The following SGCA variants were observed in gnomAD, a reference collection of about 807,000 sequenced individuals.
SGCA encodes alpha-sarcoglycan.
Under a neutral mutation model 38.1 loss-of-function variants are expected in SGCA, and 34 were observed. The observed-to-expected ratio is 0.89, with a 90% CI of 0.68 to 1.19. The LOEUF (loss-of-function observed/expected upper bound fraction) is 1.19. SGCA is among the 50% of genes most tolerant of loss of function. SGCA has a pLI of 0.00. For synonymous variants in SGCA, 209 were observed against 214.6 expected (o/e 0.97, Z 0.23); for missense variants, 476 against 524.9 (o/e 0.91, Z 0.91).
At chr17:50,171,671 C>A (rs1006308166) in intron 8 of SGCA, 4 of 456,706 alleles carry the variant, frequency 8.8e-6, no homozygotes, top group African/African-American at 6.0e-5. Flanking sequence ...GACTTGGAGG[C>A]CTGCTTCTTG....
chr17:50,168,247 T>G (rs1598266630), intron 4 of SGCA, 127 bp from the exon 5 acceptor site: 2 of 879,460 alleles, frequency 2.3e-6, no homozygotes. Context: ...CTTGTTGGGG[T>G]CTGTGATGGA....
In SGCA at chr17:50,169,092, G is replaced by A; in HGVS notation, c.585G>A (p.Gly195=). 1.9e-6 allele frequency: 3 copies of A among 1,613,684 alleles called. No individual in the cohort carries two copies. Among genetic ancestry groups the A allele is most frequent in the Non-Finnish European group, 2.5e-6 (3 of 1,179,962 alleles). ...GACAGTGACTTCTATCTGGTCCCAG[G>A]GTATACATTAAGGTGGGTTCTGCCT... ...VPLPIEGRKE[G]VYIKVGSASP... The change falls in exon 6 of 10, where the codon GGG becomes GGA. Residue 195 remains glycine, a splice_region_variant and synonymous_variant. Coordinates refer to ENST00000262018, the MANE Select transcript of SGCA (RefSeq NM_000023.4).
intron 8 of SGCA, chr17:50,171,817 G>C (rs1383960137): frequency 2.2e-6 from 1 of 456,724 alleles, no homozygotes; most frequent in East Asian, 6.9e-5. Flanking sequence ...CCTTCTTCAG[G>C]GTGGCCAGGG....
At chr17:50,166,755 AC>A (rs1417533002) in intron 1 of SGCA, among the ~76,000 whole-genome samples, 3 of 100,160 alleles carry the variant, frequency 3.0e-5, no homozygotes, top group Non-Finnish European at 5.8e-5. Context: ...ACCCTCACAC[AC>A]CCTCACACAC....
At chr17:50,169,396 A>G in intron 6 of SGCA, 142 bp downstream of exon 6, 1 of 616,382 alleles carries the variant, frequency 1.6e-6, no homozygotes, top group South Asian at 1.9e-5. Flanking sequence ...AGTATTGCCC[A>G]CAGGCTTAGT....
At position 50,167,303 on chromosome 17, in the gene SGCA, G is replaced by T. The variant is rs1169131861; in HGVS notation, c.38-65G>T. 6.2e-7 allele frequency: 1 copy of T among 1,609,504 alleles called. No homozygotes were observed. Among genetic ancestry groups the T allele is most frequent in the African/African-American group, 1.3e-5 (1 of 74,884 alleles). ...GGGCTCCAAGGACTTGGTGGGGAAG[G>T]GAGCTTATCCCCTGCCCAGGACTGA... On this transcript the variant is annotated intron_variant, in intron 1 of 9. Coordinates refer to ENST00000262018, the MANE Select transcript of SGCA (RefSeq NM_000023.4). This position sits in a 1 kb window ranked among gnomAD's most constrained non-coding sequence, Gnocchi z 4.5.
In SGCA at chr17:50,167,244, G is replaced by A. The variant is rs1904967070; in HGVS notation, c.38-124G>A. On this transcript the variant is annotated intron_variant, in intron 1 of 9. Coordinates refer to ENST00000262018, the MANE Select transcript of SGCA (RefSeq NM_000023.4). This position sits in a 1 kb window ranked among gnomAD's most constrained non-coding sequence, Gnocchi z 4.5. ...TCCCCACCCCAATCCCTTCCTGGGAGGCAGCAAAGGAAGCGCTTCTCTCGG... is the reference window on the plus strand; with the variant it reads ...TCCCCACCCCAATCCCTTCCTGGGAAGCAGCAAAGGAAGCGCTTCTCTCGG... 2 of 1,371,682 alleles carry A rather than the reference G, an allele frequency of 1.5e-6. No individual in the cohort carries two copies. The highest frequency in any genetic ancestry group is 2.8e-5 in the African/African-American group (2 of 70,256). 85.0% of individuals were successfully genotyped at this position (1,371,682 alleles called of 1,614,324 possible). A position where few individuals can be genotyped will look rare whatever the true frequency, so the allele number is the denominator to read the frequency against.
In SGCA at chr17:50,167,338, G is replaced by A. The variant is rs982735343; in HGVS notation, c.38-30G>A. On this transcript the variant is annotated intron_variant, in intron 1 of 9. Transcript: ENST00000262018. The surrounding 1 kb of genome is among the most constrained non-coding windows in gnomAD (Gnocchi z 4.5). The stretch of plus-strand genomic sequence containing the variant: ...CCCTGCCCAGGACTGAGGCTGGCCT[G>A]TGTGTTTGGGACTTGTGGGGTCCCC... 3 of 1,613,834 alleles carry A rather than the reference G, an allele frequency of 1.9e-6. No homozygotes were observed. Among genetic ancestry groups the A allele is most frequent in the Admixed American group, 3.3e-5 (2 of 60,018 alleles).
intron 5 of SGCA, 68 bp from the exon 6 acceptor site, chr17:50,169,024 C>A (rs1424068991): frequency 2.7e-6 from 4 of 1,459,938 alleles, no homozygotes; most frequent in Non-Finnish European, 3.8e-6. Flanking sequence ...TTTCAACAAC[C>A]CCTGGCAGAG....
Position 50,167,564 on chromosome 17 carries a change from T to G in SGCA, c.158-18T>G, listed in dbSNP as rs1340333140. 2 of 1,613,480 alleles carry G rather than the reference T, an allele frequency of 1.2e-6. No individual in the cohort carries two copies. Among genetic ancestry groups the G allele is most frequent in the East Asian group, 2.2e-5 (1 of 44,890 alleles). On this transcript the variant is annotated intron_variant, in intron 2 of 9. Coordinates refer to ENST00000262018, the MANE Select transcript of SGCA (RefSeq NM_000023.4). The surrounding 1 kb of genome is among the most constrained non-coding windows in gnomAD (Gnocchi z 4.5). ...GGCTCCTGCTGTGACTCGAATCCCC[T>G]CTCCTCGCTTCCACCAGCTGTCCCA...
intron 6 of SGCA, 104 bp downstream of exon 6, chr17:50,169,358 A>G (rs1905187398): frequency 2.0e-6 from 2 of 1,009,272 alleles, no homozygotes; most frequent in East Asian, 2.6e-5. Flanking sequence ...TGATTGCTCC[A>G]GTCACCATTT....
rs1336059898 is a variant in SGCA, at chr17:50,167,471, C to T, written c.141C>T (p.Ser47=). ...CCTTGGACCATGAGACGTTTCTGAG[C>T]CTTCCTGAGCATGTCGGTGAGCGGC... ...VHTLDHETFL[S]LPEHVAVPPA... is the part of the protein sequence containing the mutation. Residue 47 remains serine, a synonymous_variant, in exon 2 of 10, where the codon AGC becomes AGT. Coordinates refer to ENST00000262018, the MANE Select transcript of SGCA (RefSeq NM_000023.4). The surrounding 1 kb of genome is among the most constrained non-coding windows in gnomAD (Gnocchi z 4.5). The T allele has an allele frequency of 6.2e-7, 1 of 1,614,184 alleles. No homozygotes were observed. The highest frequency in any genetic ancestry group is 8.5e-7 in the Non-Finnish European group (1 of 1,180,014).
rs763372958 is a variant in SGCA at position 50,175,327 on chromosome 17, G to C, written c.1054G>C (p.Glu352Gln). 1.9e-6 allele frequency: 3 copies of C among 1,609,960 alleles called. No individual in the cohort carries two copies. The highest frequency in any genetic ancestry group is 2.5e-6 in the Non-Finnish European group (3 of 1,178,966). ...GCTGCGGCAGATGGCGGCCAGCCGCGAGGTGCCCCGGCCACTCTCCACCCT... is the reference window on the plus strand; with the variant it reads ...GCTGCGGCAGATGGCGGCCAGCCGCCAGGTGCCCCGGCCACTCTCCACCCT... ...EELRQMAASR[E>Q]VPRPLSTLPM... is the part of the protein sequence containing the mutation. Residue 352 changes from glutamate (E) to glutamine (Q), a missense_variant, in exon 9 of 10, where the codon GAG (glutamate) becomes CAG (glutamine). Physicochemically the swap from Glu to Gln is conservative, Grantham distance 29. Transcript: ENST00000262018.
Position 50,170,137 on chromosome 17 carries a change from G to T in SGCA, c.748-6G>T, listed in dbSNP as rs753187816. The T allele has an allele frequency of 1.2e-6, 2 of 1,613,590 alleles. No homozygotes were observed. On this transcript the variant is annotated splice_polypyrimidine_tract_variant and splice_region_variant and intron_variant, in intron 6 of 9. Coordinates refer to ENST00000262018, the MANE Select transcript of SGCA (RefSeq NM_000023.4). The stretch of plus-strand genomic sequence containing the variant: ...TTCCTGCGTCAGCCCTGAGCTCTCT[G>T]TGCAGGTGGATAAGTCAGTGCCGGA...
intron 6 of SGCA, chr17:50,169,932 CAG>C (rs1478262547): frequency 1.6e-6 from 1 of 626,972 alleles, no homozygotes; most frequent in East Asian, 2.7e-5. Flanking sequence ...GGTGATGAAA[CAG>C]AGGCACATAA....
Position 50,166,036 on chromosome 17 carries a change from C to G in SGCA, c.-5C>G, listed in dbSNP as rs776195527. 10 of 1,613,144 alleles carry G rather than the reference C, an allele frequency of 6.2e-6. No individual in the cohort carries two copies. The East Asian group carries it at 1.6e-4, about 25-fold the overall frequency. On this transcript the variant is annotated 5_prime_UTR_variant, in exon 1 of 10. Coordinates refer to ENST00000262018, the MANE Select transcript of SGCA (RefSeq NM_000023.4). ...CACTCACCGGGCGGGCCAGGCCGGG[C>G]AGCCATGGCTGAGACACTCTTCTGG... is the stretch of plus-strand genomic sequence containing the variant.
chr17:50,169,309 C>T (rs1905181940), intron 6 of SGCA, 55 bp downstream of exon 6: 1 of 1,469,496 alleles, frequency 6.8e-7, no homozygotes, highest in East Asian at 2.3e-5. Flanking sequence ...CCATCCCAGT[C>T]CCCCTTCCCT....
chr17:50,168,089 G>A, intron 4 of SGCA, 70 bp downstream of exon 4: 3 of 1,439,032 alleles, frequency 2.1e-6, no homozygotes, highest in Non-Finnish European at 2.9e-6. Context: ...GGAGGGGGAG[G>A]GGGCTGTGGA....
intron 8 of SGCA, among the ~76,000 whole-genome samples, chr17:50,173,971 CA>C (rs1905706617): frequency 6.6e-6 from 1 of 152,148 alleles, no homozygotes; most frequent in Non-Finnish European, 1.5e-5. Context: ...CATCAGTAAC[CA>C]AGTGGCAAGT....
Sources: allele counts gnomAD v4.1 joint callset (sites outside exome capture counted in the v4.1 genomes callset), GRCh38; gene constraint gnomAD v4.1.1; non-coding constraint Gnocchi (gnomAD v3.1); transcripts MANE v1.5; gene names NCBI Gene and HGNC (gene_info 2026-07-23, HGNC 2026-07-21).